Variants in KCNG4 observed in about 807,000 individuals in gnomAD.
The protein encoded by KCNG4 is voltage-gated potassium channel regulatory subunit KCNG4.
A neutral mutation model predicts 28.2 loss-of-function variants in KCNG4; 30 were observed. That is an observed-to-expected ratio of 1.06 (90% CI 0.80 to 1.44). KCNG4 has a LOEUF of 1.44. Ranked by LOEUF, KCNG4 falls within the 40% of genes most tolerant of loss-of-function variation. The pLI is 0.00. For missense variants in KCNG4, 879 were observed against 712.3 expected (o/e 1.23, Z -2.66); for synonymous variants, 375 against 315.5 (o/e 1.19, Z -2.00).
rs58296563 is a variant in KCNG4 at position 84,224,403 on chromosome 16, TACACACACAC to T, written c.757-1393_757-1384del. Among the ~76,000 whole-genome samples, 5 of 58,664 alleles carry T rather than the reference TACACACACAC, an allele frequency of 8.5e-5. No homozygotes were observed. In the South Asian group the frequency reaches 2.4e-3, roughly 28 times the overall value. The allele number at this position is 58,664 out of a possible 152,430, so 38.5% of individuals were successfully genotyped here. The stretch of plus-strand genomic sequence containing the variant: ...GGTAGAAAACTTTGCTATACATATT[TACACACACAC>T]ACACACACACACACACACACACACA... On this transcript the variant is annotated intron_variant, in intron 2 of 2. Transcript: ENST00000308251.
chr16:84,220,623 C>T lies in KCNG4; in HGVS notation c.*1594G>A, dbSNP rs1357174200. On this transcript the variant is annotated 3_prime_UTR_variant, in exon 3 of 3. Coordinates refer to ENST00000308251, the MANE Select transcript of KCNG4 (RefSeq NM_172347.3). Reference sequence around the variant, plus strand: ...GGCAGGGCCGAAACCACTTCACTGTCACCTGTTTTGATCTTGTGCACTTTC... The same window carrying T: ...GGCAGGGCCGAAACCACTTCACTGTTACCTGTTTTGATCTTGTGCACTTTC... 6.6e-6 allele frequency: 1 copy of T among 152,258 alleles called. No individual in the cohort carries two copies. The highest frequency in any genetic ancestry group is 1.5e-5 in the Non-Finnish European group (1 of 68,060). 9.4% of individuals were successfully genotyped at this position (152,258 alleles called of 1,614,324 possible). A position where few individuals can be genotyped will look rare whatever the true frequency, so the allele number is the denominator to read the frequency against.
intron 2 of KCNG4, among the ~76,000 whole-genome samples, chr16:84,223,984 C>T (rs1215852399): frequency 6.6e-6 from 1 of 152,054 alleles, no homozygotes; most frequent in Non-Finnish European, 1.5e-5. Context: ...GGGCGGGGGC[C>T]GTTCTGAGTT....
Position 84,237,104 on chromosome 16 carries a change from C to G in KCNG4, c.382G>C (p.Ala128Pro). 2 of 1,614,116 alleles carry G rather than the reference C, an allele frequency of 1.2e-6. No individual in the cohort carries two copies. Among genetic ancestry groups the G allele is most frequent in the Non-Finnish European group, 1.7e-6 (2 of 1,180,018 alleles). The stretch of plus-strand genomic sequence containing the variant: ...TGCAGAAGCACCAGCTTCCCGGCCG[C>G]CAGGAAGCTCACGATCACCCCGAAG... ...SAFGVIVSFL[A>P]AGKLVLLQEM... The change falls in exon 2 of 3, where the codon GCG (alanine) becomes CCG (proline). Residue 128 changes from alanine (A) to proline (P), a missense_variant. Ala to Pro is a conservative substitution (Grantham distance 27, BLOSUM62 -1). Coordinates refer to ENST00000308251, the MANE Select transcript of KCNG4 (RefSeq NM_172347.3).
Position 84,223,014 on chromosome 16 carries a change from A to G in KCNG4, c.763T>C (p.Cys255Arg), listed in dbSNP as rs1267575562. 1 of 1,522,920 alleles carries G rather than the reference A, an allele frequency of 6.6e-7. No homozygotes were observed. The highest frequency in any genetic ancestry group is 1.3e-5 in the South Asian group (1 of 76,182). 94.3% of individuals were successfully genotyped at this position (1,522,920 alleles called of 1,614,324 possible). ...DLRAEEDQGE[C>R]SRKCYYIFIV... ...AAAATATAGTAGCACTTCCGAGAGC[A>G]TTCGCCCTGCGGGGAGAAGAGGCAA... The change falls in exon 3 of 3, where the codon TGC becomes CGC. Residue 255 changes from cysteine to arginine, a missense_variant. By Grantham distance (180) the Cys-to-Arg change is radical. Transcript: ENST00000308251.
chr16:84,234,403 T>C (rs1011951301), intron 2 of KCNG4, among the ~76,000 whole-genome samples: 1 of 151,930 alleles, frequency 6.6e-6, no homozygotes, highest in Non-Finnish European at 1.5e-5. Flanking sequence ...GATCTCAAAC[T>C]CCTGACCTCA....
At chr16:84,224,403 T>TACAC (rs58296563) in intron 2 of KCNG4, among the ~76,000 whole-genome samples, 236 of 58,664 alleles carry the variant, frequency 4.0e-3, no homozygotes, top group East Asian at 0.015. Context: ...TATACATATT[T>TACAC]ACACACACAC....
chr16:84,227,261 T>A (rs948622650), intron 2 of KCNG4, among the ~76,000 whole-genome samples: 1 of 152,044 alleles, frequency 6.6e-6, no homozygotes, highest in African/African-American at 2.4e-5. Flanking sequence ...CTCAGACAAA[T>A]GAAAACACAT....
chr16:84,234,063 C>G (rs1191340858), intron 2 of KCNG4, among the ~76,000 whole-genome samples: 1 of 152,226 alleles, frequency 6.6e-6, no homozygotes, highest in African/African-American at 2.4e-5. Context: ...TTCTTTCATC[C>G]TTTTGGGGAA....
intron 2 of KCNG4, among the ~76,000 whole-genome samples, chr16:84,234,856 G>A (rs768288571): frequency 2.3e-4 from 35 of 152,144 alleles, no homozygotes; most frequent in African/African-American, 2.7e-4. Flanking sequence ...TAAGGTCACC[G>A]TCTTGGGAGA....
chr16:84,235,797 T>C (rs1390576875), intron 2 of KCNG4: 1 of 152,220 alleles, frequency 6.6e-6, no homozygotes, highest in Non-Finnish European at 1.5e-5. Context: ...CTCCAAACAT[T>C]AAGATGATGG....
Position 84,222,115 on chromosome 16 carries a change from G to T in KCNG4, c.*102C>A. On this transcript the variant is annotated 3_prime_UTR_variant, in exon 3 of 3. Coordinates refer to ENST00000308251, the MANE Select transcript of KCNG4 (RefSeq NM_172347.3). ...CCTCCAGCTTTGAAAGTCTTCCCTG[G>T]GCTCTAGAAACACCACCAGGTGGTC... The T allele has an allele frequency of 1.6e-6, 2 of 1,222,142 alleles. No individual in the cohort carries two copies. The highest frequency in any genetic ancestry group is 2.3e-6 in the Non-Finnish European group (2 of 851,874). The allele number at this position is 1,222,142 out of a possible 1,614,324, so 75.7% of individuals were successfully genotyped here.
At position 84,234,661 on chromosome 16, in the gene KCNG4, C is replaced by T. The variant is rs543116998; in HGVS notation, c.756+2069G>A. 2.4e-4 allele frequency among the ~76,000 whole-genome samples: 37 copies of T among 152,288 alleles called. 1 individual carries two copies. The highest frequency in any genetic ancestry group is 8.4e-4 in the African/African-American group (35 of 41,564). Reference sequence around the variant, plus strand: ...CCCTGGGATCTGTTCCCCCACCCATCGTGACATTAATTCTTCAGCGTGGAT... The same window carrying T: ...CCCTGGGATCTGTTCCCCCACCCATTGTGACATTAATTCTTCAGCGTGGAT... On this transcript the variant is annotated intron_variant, in intron 2 of 2. Coordinates refer to ENST00000308251, the MANE Select transcript of KCNG4 (RefSeq NM_172347.3).
At chr16:84,233,260 G>A (rs1050776336) in intron 2 of KCNG4, among the ~76,000 whole-genome samples, 1 of 152,220 alleles carries the variant, frequency 6.6e-6, no homozygotes, top group African/African-American at 2.4e-5. Context: ...CACTGGGTTA[G>A]TCATGGGTGA....
rs199778793 is a variant in KCNG4, at chr16:84,236,959, G to GCCAGCTCCT, written c.518_526dup (p.Glu173_Leu175dup). ...CAGTACGTCCTCCCTGTGCAGCTTGGCCAGCTCCTCCAGCTCCTCCAGCTT... is the reference window on the plus strand; with the variant it reads ...CAGTACGTCCTCCCTGTGCAGCTTGGCCAGCTCCTCCAGCTCCTCCAGCTCCTCCAGCTT... On this transcript the variant is annotated inframe_insertion, in exon 2 of 3. Transcript: ENST00000308251. 5.1e-3 allele frequency: 8,304 copies of GCCAGCTCCT among 1,613,570 alleles called. 183 individuals carry two copies. The highest frequency in any genetic ancestry group is 0.05 in the African/African-American group (3,717 of 75,018).
At position 84,236,762 on chromosome 16, in the gene KCNG4, T is replaced by C. The variant is rs747301349; in HGVS notation, c.724A>G (p.Thr242Ala). 3 of 1,613,604 alleles carry C rather than the reference T, an allele frequency of 1.9e-6. No homozygotes were observed. The highest frequency in any genetic ancestry group is 1.7e-6 in the Non-Finnish European group (2 of 1,179,958). Residue 242 changes from threonine to alanine, a missense_variant, in exon 2 of 3, where the codon ACC (threonine) becomes GCC (alanine). Physicochemically the swap from Thr to Ala is moderately conservative, Grantham distance 58 (BLOSUM62 0). Transcript: ENST00000308251. ...TCCTCTGCCCTGAGGTCGGGCATGG[T>C]GCTGACACACAGGCTGACGGCTGTG... ...ATTAVSLCVS[T>A]MPDLRAEEDQ... is the part of the protein sequence containing the mutation.
intron 2 of KCNG4, among the ~76,000 whole-genome samples, chr16:84,224,069 G>C (rs547151521): frequency 3.3e-5 from 5 of 152,248 alleles, no homozygotes; most frequent in Admixed American, 2.6e-4. Context: ...TGTGGACCTT[G>C]AGCCAAAAGC....
chr16:84,232,896 CAAAAAA>C (rs60683135), intron 2 of KCNG4, among the ~76,000 whole-genome samples: 29 of 107,984 alleles, frequency 2.7e-4, no homozygotes, highest in Admixed American at 1.0e-4. Flanking sequence ...GAAACCCTAT[CAAAAAA>C]AAAAAAAAAA....
intron 1 of KCNG4, among the ~76,000 whole-genome samples, chr16:84,238,128 TG>T (rs1272396795): frequency 7.9e-5 from 12 of 152,154 alleles, no homozygotes; most frequent in Admixed American, 5.9e-4. Context: ...CAAGAAAGTG[TG>T]TATTAATAAT....
In KCNG4 at chr16:84,237,309, C is replaced by G; in HGVS notation, c.177G>C (p.Lys59Asn). 1 of 1,595,228 alleles carries G rather than the reference C, an allele frequency of 6.3e-7. No individual in the cohort carries two copies. The highest frequency in any genetic ancestry group is 1.7e-4 in the Middle Eastern group (1 of 5,934). Residue 59 changes from lysine (K) to asparagine (N), a missense_variant, in exon 2 of 3, where the codon AAG becomes AAC. Physicochemically the swap from Lys to Asn is moderately conservative, Grantham distance 94. Coordinates refer to ENST00000308251, the MANE Select transcript of KCNG4 (RefSeq NM_172347.3). The part of the protein sequence containing the change: ...ALDASPVDLK[K>N]EILINVGGRR... ...TGCCCCCCACGTTGATCAGGATCTCCTTCTTCAGGTCCACTGGGGAGGCGT... is the reference window on the plus strand; with the variant it reads ...TGCCCCCCACGTTGATCAGGATCTCGTTCTTCAGGTCCACTGGGGAGGCGT...
Sources: gnomAD v4.1 joint callset for allele counts (sites outside exome capture counted in the v4.1 genomes callset) on GRCh38, gnomAD v4.1.1 for gene constraint, MANE v1.5 for transcripts, NCBI Gene and HGNC (gene_info 2026-07-23, HGNC 2026-07-21) for gene names.